TET3: variants seen among roughly 807,000 people sequenced by gnomAD.
TET3 encodes the protein methylcytosine dioxygenase TET3.
TET3 carries 19 observed loss-of-function variants against 141.4 expected under a neutral mutation model. That is an observed-to-expected ratio of 0.13 (90% CI 0.09 to 0.20). TET3 has a LOEUF of 0.20. Among genes scored for constraint, TET3 ranks in the 10% least tolerant of loss-of-function variants. The pLI, the probability that TET3 is intolerant of heterozygous loss-of-function variation, is 1.00. For missense variants in TET3, 1,874 were observed against 2,356.9 expected (o/e 0.80, Z 4.24); for synonymous variants, 1,043 against 980.9 (o/e 1.06, Z -1.18).
chr2:73,995,283 T>A (rs1475225075), intron 2 of TET3, among the ~76,000 whole-genome samples: 1 of 152,244 alleles, frequency 6.6e-6, no homozygotes, highest in Admixed American at 6.5e-5. Flanking sequence ...TTTAGATGAC[T>A]ACATGCAAGA....
chr2:74,086,838 A>G (rs538487147), intron 6 of TET3, among the ~76,000 whole-genome samples: 1 of 151,858 alleles, frequency 6.6e-6, no homozygotes, highest in East Asian at 1.9e-4. Context: ...AAAATCTAAC[A>G]TTTTAACCAT....
chr2:74,052,944 C>T lies in TET3; in HGVS notation c.2494+4533C>T, dbSNP rs1688023894. Among the ~76,000 whole-genome samples the T allele has an allele frequency of 1.3e-5, 2 of 152,148 alleles. 1 individual carries two copies. Among genetic ancestry groups the T allele is most frequent in the South Asian group, 4.1e-4 (2 of 4,832 alleles). On this transcript the variant is annotated intron_variant, in intron 4 of 11. Transcript: ENST00000409262. Reference sequence around the variant, plus strand: ...AATTTTGCCAAATAAGCAATTTAGCCAATATGAGCATCACCATGTAACCAA... The same window carrying T: ...AATTTTGCCAAATAAGCAATTTAGCTAATATGAGCATCACCATGTAACCAA...
intron 4 of TET3, among the ~76,000 whole-genome samples, chr2:74,060,646 G>T (rs1435161550): frequency 2.0e-5 from 3 of 152,084 alleles, no homozygotes; most frequent in African/African-American, 7.2e-5. Context: ...AAGGTCTCTG[G>T]TTTTCCTAGG....
intron 2 of TET3, among the ~76,000 whole-genome samples, chr2:73,992,212 G>C (rs1289218538): frequency 6.6e-6 from 1 of 152,138 alleles, no homozygotes; most frequent in Non-Finnish European, 1.5e-5. Flanking sequence ...GGGGAAAACA[G>C]AGCCAGCCAG....
intron 4 of TET3, among the ~76,000 whole-genome samples, chr2:74,051,336 A>G (rs540357193): frequency 1.3e-5 from 2 of 152,244 alleles, no homozygotes; most frequent in African/African-American, 4.8e-5. Context: ...TTATTAAATT[A>G]GAGGAAAATA....
intron 3 of TET3, among the ~76,000 whole-genome samples, chr2:74,029,295 C>A (rs944045268): frequency 1.3e-5 from 2 of 152,292 alleles, no homozygotes; most frequent in South Asian, 2.1e-4. Flanking sequence ...AAGTTGCCAT[C>A]CCTGTTCTCA....
chr2:74,095,855 T>G (rs781444432), intron 10 of TET3, among the ~76,000 whole-genome samples: 2 of 152,246 alleles, frequency 1.3e-5, no homozygotes, highest in African/African-American at 2.4e-5. Context: ...TGAGATTGCA[T>G]TGATGTTTAC....
chr2:74,029,309 G>A (rs1040966616), intron 3 of TET3, among the ~76,000 whole-genome samples: 5 of 152,082 alleles, frequency 3.3e-5, no homozygotes, highest in Non-Finnish European at 7.4e-5. Context: ...GTTCTCAAGG[G>A]AATAATAAGC....
chr2:74,049,179 A>C (rs565488146), intron 4 of TET3, among the ~76,000 whole-genome samples: 1 of 152,186 alleles, frequency 6.6e-6, no homozygotes, highest in South Asian at 2.1e-4. Flanking sequence ...GGAGGGGATG[A>C]GACACTGCAG....
In TET3 at chr2:74,047,388, A is replaced by G; in HGVS notation, c.1471A>G (p.Lys491Glu). Reference protein sequence around the residue: ...PEALPTKPKVKVEAPSSSPAP... With the variant: ...PEALPTKPKVEVEAPSSSPAP... Reference sequence around the variant, plus strand: ...GGCCCTGCCTACCAAGCCCAAGGTCAAGGTGGAGGCACCCTCTTCCTCCCC... The same window carrying G: ...GGCCCTGCCTACCAAGCCCAAGGTCGAGGTGGAGGCACCCTCTTCCTCCCC... Residue 491 changes from lysine (K) to glutamate (E), a missense_variant, in exon 4 of 12, where the codon AAG (lysine) becomes GAG (glutamate). Physicochemically the swap from Lys to Glu is moderately conservative, Grantham distance 56. Coordinates refer to ENST00000409262, the MANE Select transcript of TET3 (RefSeq NM_001287491.2). 6.2e-7 allele frequency: 1 copy of G among 1,613,722 alleles called. No individual in the cohort carries two copies. The highest frequency in any genetic ancestry group is 1.3e-5 in the African/African-American group (1 of 75,028).
At position 74,101,003 on chromosome 2, in the gene TET3, C is replaced by G. The variant is rs753379034; in HGVS notation, c.4215C>G (p.Thr1405=). ...SIKQEPVDPL[T]QAEPVPRDAG... is the part of the protein sequence containing the mutation. ...AGCAAGAGCCAGTAGACCCGCTGAC[C>G]CAGGCTGAGCCTGTGCCCAGAGACG... is the stretch of plus-strand genomic sequence containing the variant. The change falls in exon 12 of 12, where the codon ACC becomes ACG. Residue 1405 remains threonine (T), a synonymous_variant. Coordinates refer to ENST00000409262, the MANE Select transcript of TET3 (RefSeq NM_001287491.2). The surrounding 1 kb of genome is among the most constrained non-coding windows in gnomAD (Gnocchi z 8.5). 6.2e-7 allele frequency: 1 copy of G among 1,613,008 alleles called. No homozygotes were observed.
chr2:74,062,725 A>G (rs896787134), intron 4 of TET3, among the ~76,000 whole-genome samples: 1 of 152,216 alleles, frequency 6.6e-6, no homozygotes. Flanking sequence ...TGCCGGAAAT[A>G]TATGTTATAA....
At chr2:74,078,766 A>G (rs1410869318) in intron 5 of TET3, among the ~76,000 whole-genome samples, 4 of 152,236 alleles carry the variant, frequency 2.6e-5, no homozygotes, top group Non-Finnish European at 4.4e-5. Flanking sequence ...TTAAAATAAC[A>G]TGCCATGATC....
intron 4 of TET3, among the ~76,000 whole-genome samples, chr2:74,057,701 C>T (rs1373718986): frequency 6.6e-6 from 1 of 152,140 alleles, no homozygotes; most frequent in Non-Finnish European, 1.5e-5. Context: ...TGCTAAGCCT[C>T]CTAACAGTGC....
intron 3 of TET3, among the ~76,000 whole-genome samples, chr2:74,027,529 C>A (rs543154690): frequency 3.3e-4 from 50 of 152,104 alleles, no homozygotes; most frequent in African/African-American, 1.2e-3. Flanking sequence ...CCTCTTTGTT[C>A]CCCTAACCCC....
chr2:73,993,042 C>CA (rs1209199502), intron 2 of TET3, among the ~76,000 whole-genome samples: 4 of 152,154 alleles, frequency 2.6e-5, no homozygotes, highest in Non-Finnish European at 5.9e-5. Flanking sequence ...GTCTGTCAGC[C>CA]ATGTAGATCA....
chr2:74,134,834 A>G, the TET3 span: 1 of 449,208 alleles, frequency 2.2e-6, no homozygotes. Context: ...AGCTGCCACT[A>G]CCACCATCCA....
In TET3 at chr2:74,100,454, G is replaced by C. The variant is rs143683162; in HGVS notation, c.3666G>C (p.Pro1222=). Residue 1222 remains proline, a synonymous_variant, in exon 12 of 12, where the codon CCG becomes CCC. Transcript: ENST00000409262. ...TGAAGCCCTCCCTCAAGGTGGAGCC[G>C]CAGAACCACTTCAGCTCCTTCAAGT... is the stretch of plus-strand genomic sequence containing the variant. ...QGLKPSLKVE[P]QNHFSSFKYS... 2.6e-4 allele frequency: 416 copies of C among 1,584,224 alleles called. 1 individual carries two copies. In the African/African-American group the frequency reaches 4.9e-3, roughly 19 times the overall value.
In TET3 at chr2:74,047,868, T is replaced by C; in HGVS notation, c.1951T>C (p.Ser651Pro). 6.2e-7 allele frequency: 1 copy of C among 1,612,852 alleles called. No individual in the cohort carries two copies. Among genetic ancestry groups the C allele is most frequent in the African/African-American group, 1.3e-5 (1 of 74,964 alleles). Residue 651 changes from serine (S) to proline (P), a missense_variant, in exon 4 of 12, where the codon TCA (serine) becomes CCA (proline). Ser to Pro is a moderately conservative substitution (Grantham distance 74). Around this residue, in one of 10 missense-constraint regions of TET3, gnomAD observed 484 missense variants for 462.2 expected, o/e 1.05. Coordinates refer to ENST00000409262, the MANE Select transcript of TET3 (RefSeq NM_001287491.2). ...QAHPPAPLPA[S>P]QGSAVPLPPE... is the part of the protein sequence containing the mutation. ...TCATCCACCGGCCCCTCTGCCTGCC[T>C]CACAGGGCTCTGCTGTGCCCCTGCC... is the stretch of plus-strand genomic sequence containing the variant.
Sources: allele counts gnomAD v4.1 joint callset (sites outside exome capture counted in the v4.1 genomes callset), GRCh38; gene constraint gnomAD v4.1.1; regional missense constraint gnomAD v4.1.1; non-coding constraint Gnocchi (gnomAD v3.1); transcripts MANE v1.5; gene names NCBI Gene and HGNC (gene_info 2026-07-23, HGNC 2026-07-21).